Variants in PAX5 observed in about 807,000 individuals in gnomAD.
PAX5 encodes the protein paired box protein Pax-5.
PAX5 carries 9 observed loss-of-function variants against 43.7 expected under a neutral mutation model. The ratio of observed to expected loss-of-function variants is 0.21; its 90% CI spans 0.12 to 0.36. The LOEUF (loss-of-function observed/expected upper bound fraction) is 0.36, where lower values mean the gene tolerates loss of function less well. PAX5 is among the 10% of genes least tolerant of loss of function. The probability of loss-of-function intolerance (pLI) is 1.00; values close to 1 mark genes in which losing one functional copy is unlikely to be tolerated. For missense variants in PAX5, 383 were observed against 532.7 expected (o/e 0.72, Z 2.77); for synonymous variants, 228 against 214.3 (o/e 1.06, Z -0.56).
chr9:36,861,444 C>G (rs114191925), intron 8 of PAX5: 2 of 147,738 alleles, frequency 1.4e-5, no homozygotes, highest in South Asian at 2.2e-4. Flanking sequence ...ACAAAGCGTC[C>G]GGCATGCTAG....
chr9:37,020,539 G>C, intron 2 of PAX5, 97 bp downstream of exon 2: 2 of 1,256,512 alleles, frequency 1.6e-6, no homozygotes, highest in Admixed American at 1.9e-5. Context: ...ATGCCACCAT[G>C]ATTCTCACTA....
intron 6 of PAX5, among the ~76,000 whole-genome samples, chr9:36,964,456 G>A (rs1250343260): frequency 2.6e-5 from 4 of 151,828 alleles, no homozygotes; most frequent in African/African-American, 4.8e-5. Flanking sequence ...GCCGGGCGTG[G>A]TGGCAGGCAC....
At chr9:36,948,239 T>C (rs1461598609) in intron 6 of PAX5, among the ~76,000 whole-genome samples, 2 of 152,218 alleles carry the variant, frequency 1.3e-5, no homozygotes, top group Admixed American at 6.5e-5. Context: ...CGCCTTGCCA[T>C]GTGGCCAGCA....
chr9:36,952,656 A>C lies in PAX5; in HGVS notation c.780+13893T>G, dbSNP rs1833110676. Among the ~76,000 whole-genome samples the C allele has an allele frequency of 3.3e-5, 5 of 152,078 alleles. No individual in the cohort carries two copies. In the South Asian group the frequency reaches 1.0e-3, roughly 32 times the overall value. On this transcript the variant is annotated intron_variant, in intron 6 of 9. Coordinates refer to ENST00000358127, the MANE Select transcript of PAX5 (RefSeq NM_016734.3). ...AATTATATTTCTTTTTTTAAGTATT[A>C]GTACTTTCCCTAGAGTCTGCAATAT...
intron 7 of PAX5, among the ~76,000 whole-genome samples, chr9:36,901,582 G>A (rs1310524525): frequency 6.6e-6 from 1 of 152,116 alleles, no homozygotes; most frequent in African/African-American, 2.4e-5. Flanking sequence ...TCACTTCCAG[G>A]TGAGGAAATG....
intron 7 of PAX5, among the ~76,000 whole-genome samples, chr9:36,901,508 C>G (rs960049108): frequency 6.6e-6 from 1 of 152,156 alleles, no homozygotes; most frequent in Non-Finnish European, 1.5e-5. Flanking sequence ...TAGAAACCCA[C>G]GTGCATGATT....
chr9:36,924,251 A>C lies in PAX5; in HGVS notation c.781-767T>G, dbSNP rs145188120. Among the ~76,000 whole-genome samples, 346 of 152,324 alleles carry C rather than the reference A, an allele frequency of 2.3e-3. 1 individual carries two copies. The highest frequency in any genetic ancestry group is 3.7e-3 in the South Asian group (18 of 4,826). On this transcript the variant is annotated intron_variant, in intron 6 of 9. Coordinates refer to ENST00000358127, the MANE Select transcript of PAX5 (RefSeq NM_016734.3). ...CTCCTTTCTTTAAGCCATTTCACGAAATCAGAGTTTGCAATGAGTCATTTC... is the reference window on the plus strand; with the variant it reads ...CTCCTTTCTTTAAGCCATTTCACGACATCAGAGTTTGCAATGAGTCATTTC...
chr9:36,938,118 G>A (rs771032405), intron 6 of PAX5, among the ~76,000 whole-genome samples: 1 of 152,132 alleles, frequency 6.6e-6, no homozygotes, highest in African/African-American at 2.4e-5. Flanking sequence ...GCACAGCAAC[G>A]GTGGTGTTTC....
chr9:36,847,379 C>T (rs545658931), intron 8 of PAX5, among the ~76,000 whole-genome samples: 1 of 152,210 alleles, frequency 6.6e-6, no homozygotes, highest in African/African-American at 2.4e-5. Flanking sequence ...TTCTACCCCC[C>T]ACCTGCTGAT....
intron 1 of PAX5, among the ~76,000 whole-genome samples, chr9:37,029,505 G>A (rs997478237): frequency 6.6e-6 from 1 of 152,220 alleles, no homozygotes; most frequent in African/African-American, 2.4e-5. Flanking sequence ...CTGGAACCCC[G>A]CCTGTCCGGA....
chr9:37,024,341 C>G, intron 1 of PAX5, among the ~76,000 whole-genome samples: 1 of 152,014 alleles, frequency 6.6e-6, no homozygotes, highest in Middle Eastern at 3.4e-3. Flanking sequence ...AGAAGCTATC[C>G]GGCTCTGAAG....
chr9:37,021,219 T>G (rs985582230), intron 1 of PAX5, among the ~76,000 whole-genome samples: 15 of 152,180 alleles, frequency 9.9e-5, no homozygotes, highest in Non-Finnish European at 2.2e-4. Context: ...CTCGTTTCCT[T>G]TTAACAAATG....
chr9:36,974,718 T>C (rs890147340), intron 5 of PAX5, among the ~76,000 whole-genome samples: 1 of 152,152 alleles, frequency 6.6e-6, no homozygotes, highest in African/African-American at 2.4e-5. Flanking sequence ...CCATGACACT[T>C]TAACACGGCA....
chr9:37,033,141 C>T (rs1304214633), intron 1 of PAX5, among the ~76,000 whole-genome samples: 4 of 152,252 alleles, frequency 2.6e-5, no homozygotes, highest in Non-Finnish European at 4.4e-5. Context: ...GTTGTGCCTG[C>T]CACAGGAGAC....
Position 36,952,308 on chromosome 9 carries a change from C to T in PAX5, c.780+14241G>A, listed in dbSNP as rs544205442. Reference sequence around the variant, plus strand: ...AGGCTGGAGCACAATGGCGAGATCTCGGCTCACTGCAACCTCCGCCTCCCA... The same window carrying T: ...AGGCTGGAGCACAATGGCGAGATCTTGGCTCACTGCAACCTCCGCCTCCCA... On this transcript the variant is annotated intron_variant, in intron 6 of 9. Transcript: ENST00000358127. 1.9e-3 allele frequency among the ~76,000 whole-genome samples: 249 copies of T among 129,064 alleles called. 1 individual carries two copies. The highest frequency in any genetic ancestry group is 4.0e-3 in the South Asian group (15 of 3,724). 84.7% of individuals were successfully genotyped at this position (129,064 alleles called of 152,430 possible). A position where few individuals can be genotyped will look rare whatever the true frequency, so the allele number is the denominator to read the frequency against.
chr9:36,864,098 G>C (rs759814540), intron 8 of PAX5, among the ~76,000 whole-genome samples: 15 of 152,216 alleles, frequency 9.9e-5, no homozygotes, highest in Admixed American at 2.0e-4. Flanking sequence ...ATCAGAGCGA[G>C]ACTCTGTCTC....
At chr9:36,924,789 AAGGG>A (rs1312053447) in intron 6 of PAX5, among the ~76,000 whole-genome samples, 12 of 10,788 alleles carry the variant, frequency 1.1e-3, no homozygotes, top group Admixed American at 3.7e-3. Context: ...GGAAAAGAGA[AAGGG>A]AGGGAGGGAG....
intron 9 of PAX5, among the ~76,000 whole-genome samples, chr9:36,844,610 C>T (rs1822388874): frequency 6.6e-6 from 1 of 152,188 alleles, no homozygotes; most frequent in Non-Finnish European, 1.5e-5. Context: ...CAGCCAGACA[C>T]CCCTGCCTGA....
intron 6 of PAX5, among the ~76,000 whole-genome samples, chr9:36,966,268 G>A (rs1834423037): frequency 6.6e-6 from 1 of 152,174 alleles, no homozygotes; most frequent in Non-Finnish European, 1.5e-5. Flanking sequence ...TGTCCAAAGA[G>A]CCCTTGGAAA....
Sources: allele counts gnomAD v4.1 joint callset (sites outside exome capture counted in the v4.1 genomes callset), GRCh38; gene constraint gnomAD v4.1.1; transcripts MANE v1.5; gene names NCBI Gene and HGNC (gene_info 2026-07-23, HGNC 2026-07-21).